The following MMP24 variants were observed in gnomAD, a reference collection of about 807,000 sequenced individuals.
MMP24 encodes the protein matrix metalloproteinase-24.
In MMP24, 25 loss-of-function variants were observed where a neutral mutation model predicts 62.8. That is an observed-to-expected ratio of 0.40 (90% CI 0.29 to 0.56). The LOEUF is 0.56. Ranked by LOEUF, MMP24 falls within the 20% of genes least tolerant of loss-of-function variation. MMP24 has a pLI of 0.50. For missense variants in MMP24, 634 were observed against 853.6 expected, an observed-to-expected ratio of 0.74 and a Z score of 3.21; for synonymous variants, 319 against 350.5, an observed-to-expected ratio of 0.91 and a Z score of 1.00.
chr20:35,273,254 G>A (rs1209710437), intron 8 of MMP24, among the ~76,000 whole-genome samples: 2 of 151,994 alleles, frequency 1.3e-5, no homozygotes, highest in Non-Finnish European at 2.9e-5. Flanking sequence ...AAATTAGCTG[G>A]GCGTGGTGAC....
intron 2 of MMP24, among the ~76,000 whole-genome samples, chr20:35,248,300 C>G (rs1013474545): frequency 2.7e-4 from 40 of 145,866 alleles, no homozygotes; most frequent in Non-Finnish European, 5.2e-4. Context: ...TCTAGATTCC[C>G]CCCCCCTTTT....
rs57329180 is a variant in MMP24 at position 35,253,311 on chromosome 20, A to G, written c.513-1139A>G. Reference sequence around the variant, plus strand: ...TTTTTTTTCAGAAATCTGACAAGAGAAGGAAAGTTAGGGTTGAACTAAGGG... The same window carrying G: ...TTTTTTTTCAGAAATCTGACAAGAGGAGGAAAGTTAGGGTTGAACTAAGGG... On this transcript the variant is annotated intron_variant, in intron 3 of 8. Coordinates refer to ENST00000246186, the MANE Select transcript of MMP24 (RefSeq NM_006690.4). Among the ~76,000 whole-genome samples, 269 of 142,658 alleles carry G rather than the reference A, an allele frequency of 1.9e-3. 3 individuals are homozygous for G. In the East Asian group the frequency reaches 0.037, roughly 20 times the overall value. The allele number at this position is 142,658 out of a possible 152,430, so 93.6% of individuals were successfully genotyped here.
rs765270318 is a variant in MMP24 at position 35,267,352 on chromosome 20, A to C, written c.1127A>C (p.Lys376Thr). The C allele has an allele frequency of 6.3e-7, 1 of 1,582,870 alleles. No homozygotes were observed. Among genetic ancestry groups the C allele is most frequent in the South Asian group, 1.2e-5 (1 of 86,562 alleles). The change falls in exon 6 of 9, where the codon AAA becomes ACA. Residue 376 changes from lysine to threonine, a missense_variant. Lys to Thr is a moderately conservative substitution (Grantham distance 78). Around this residue, in one of 3 missense-constraint regions of MMP24, gnomAD observed 399 missense variants for 530.8 expected, o/e 0.75. Transcript: ENST00000246186. ...GACCGGCCATCCACACCAGGCACCAAACCCAACATCTGTGACGGCAACTTC... is the reference window on the plus strand; with the variant it reads ...GACCGGCCATCCACACCAGGCACCACACCCAACATCTGTGACGGCAACTTC... ...LGDRPSTPGT[K>T]PNICDGNFNT...
chr20:35,238,181 T>C lies in MMP24; in HGVS notation c.247-8659T>C, dbSNP rs554305886. 1.4e-4 allele frequency among the ~76,000 whole-genome samples: 21 copies of C among 152,318 alleles called. No homozygotes were observed. In the Middle Eastern group the frequency reaches 0.014, roughly 99 times the overall value. ...GAGCAGAGGCTGGCTACTGAGCCAG[T>C]GCTAATAGAAGACTTTTCTAAATGG... On this transcript the variant is annotated intron_variant, in intron 1 of 8. Coordinates refer to ENST00000246186, the MANE Select transcript of MMP24 (RefSeq NM_006690.4).
rs148827825 is a variant in MMP24 at position 35,231,256 on chromosome 20, T to C, written c.246+4272T>C. ...CCTAGACCCAGGACTTATGGATTCC[T>C]GCCCTTGAGACTGGTTTTGAGTGGT... On this transcript the variant is annotated intron_variant, in intron 1 of 8. Coordinates refer to ENST00000246186, the MANE Select transcript of MMP24 (RefSeq NM_006690.4). 2.5e-3 allele frequency among the ~76,000 whole-genome samples: 387 copies of C among 152,366 alleles called. 1 individual carries two copies. Among genetic ancestry groups the C allele is most frequent in the African/African-American group, 8.8e-3 (368 of 41,590 alleles).
rs573730964 is a variant in MMP24 at position 35,254,232 on chromosome 20, C to CA, written c.513-215dup. The stretch of plus-strand genomic sequence containing the variant: ...TATTCGACACAGCTTTGCTGGAGAT[C>CA]AAATGGAAAACACTGAGTAAAGCAA... On this transcript the variant is annotated intron_variant, in intron 3 of 8. Transcript: ENST00000246186. Among the ~76,000 whole-genome samples the CA allele has an allele frequency of 1.4e-3, 219 of 152,292 alleles. 4 individuals are homozygous for CA. The South Asian group carries it at 0.028, about 19-fold the overall frequency.
rs1248323183 is a variant in MMP24 at position 35,271,218 on chromosome 20, G to T, written c.1334-351G>T. On this transcript the variant is annotated intron_variant, in intron 7 of 8. Coordinates refer to ENST00000246186, the MANE Select transcript of MMP24 (RefSeq NM_006690.4). This position sits in a 1 kb window ranked among gnomAD's most constrained non-coding sequence, Gnocchi z 4.0. ...CAGAGCTGCCGGTAGGCCGAGGGAG[G>T]TCAGGGTTTCTGGCTCTGCTGCTCA... Among the ~76,000 whole-genome samples, 1 of 152,198 alleles carries T rather than the reference G, an allele frequency of 6.6e-6. No individual in the cohort carries two copies. Among genetic ancestry groups the T allele is most frequent in the Non-Finnish European group, 1.5e-5 (1 of 68,028 alleles).
chr20:35,237,315 A>G (rs2060468703), intron 1 of MMP24, among the ~76,000 whole-genome samples: 1 of 152,138 alleles, frequency 6.6e-6, no homozygotes. Flanking sequence ...TGCCTTTTCC[A>G]GTGTCTAGAG....
At chr20:35,253,865 T>C (rs2060561319) in intron 3 of MMP24, among the ~76,000 whole-genome samples, 1 of 148,638 alleles carries the variant, frequency 6.7e-6, no homozygotes, top group Non-Finnish European at 1.5e-5. Context: ...CAATTTCCTT[T>C]GGGTTTTTTT....
intron 2 of MMP24, among the ~76,000 whole-genome samples, chr20:35,248,787 G>A (rs1399792807): frequency 6.6e-6 from 1 of 152,196 alleles, no homozygotes; most frequent in Non-Finnish European, 1.5e-5. Flanking sequence ...TCCAGAGTGG[G>A]CTGGTTAAAG....
intron 1 of MMP24, among the ~76,000 whole-genome samples, chr20:35,240,952 A>G (rs1020835965): frequency 6.6e-6 from 1 of 152,206 alleles, no homozygotes; most frequent in Admixed American, 6.5e-5. Context: ...TGTGTGTACA[A>G]AGTACTGCAG....
chr20:35,247,991 T>A (rs1357695819), intron 2 of MMP24, among the ~76,000 whole-genome samples: 1 of 152,152 alleles, frequency 6.6e-6, no homozygotes, highest in Non-Finnish European at 1.5e-5. Context: ...TGAACAGCCT[T>A]AAACTTGCTT....
At chr20:35,263,498 C>T in intron 4 of MMP24, 1 of 239,514 alleles carries the variant, frequency 4.2e-6, no homozygotes, top group East Asian at 8.2e-5. Context: ...CCCTGAACAT[C>T]TTCCTCCAGG....
chr20:35,274,119 T>C lies in MMP24; in HGVS notation c.1601-153T>C, dbSNP rs2060689102. ...CCGGGTGCCCCCCTCTGCAGCTTCTTACTCCATGACTCAGCCAAGCACTGC... is the reference window on the plus strand; with the variant it reads ...CCGGGTGCCCCCCTCTGCAGCTTCTCACTCCATGACTCAGCCAAGCACTGC... On this transcript the variant is annotated intron_variant, in intron 8 of 8. Coordinates refer to ENST00000246186, the MANE Select transcript of MMP24 (RefSeq NM_006690.4). The surrounding 1 kb of genome is among the most constrained non-coding windows in gnomAD (Gnocchi z 5.1). 6.6e-6 allele frequency among the ~76,000 whole-genome samples: 1 copy of C among 152,140 alleles called. No individual in the cohort carries two copies. Among genetic ancestry groups the C allele is most frequent in the Admixed American group, 6.5e-5 (1 of 15,276 alleles).
At chr20:35,248,904 C>T (rs965530054) in intron 2 of MMP24, among the ~76,000 whole-genome samples, 1 of 152,222 alleles carries the variant, frequency 6.6e-6, no homozygotes, top group Non-Finnish European at 1.5e-5. Flanking sequence ...GCGGCACCAC[C>T]TGGCCTTGGG....
At chr20:35,243,202 T>C (rs760586642) in intron 1 of MMP24, among the ~76,000 whole-genome samples, 2 of 151,656 alleles carry the variant, frequency 1.3e-5, no homozygotes, top group Admixed American at 6.6e-5. Flanking sequence ...AAAAATCTGC[T>C]CAGAATGTGC....
chr20:35,256,278 C>T (rs2060574040), intron 4 of MMP24: 1 of 152,118 alleles, frequency 6.6e-6, no homozygotes, highest in Non-Finnish European at 1.5e-5. Flanking sequence ...AGTCACCTAC[C>T]TAAGGTCCCA....
chr20:35,246,796 C>A, intron 1 of MMP24, 44 bp from the exon 2 acceptor site: 1 of 1,607,582 alleles, frequency 6.2e-7, no homozygotes, highest in Non-Finnish European at 8.5e-7. Flanking sequence ...TAGAACAGAG[C>A]CTTTCCCAGC....
At chr20:35,236,562 GTGGAGGGAAC>G (rs1332719300) in intron 1 of MMP24, among the ~76,000 whole-genome samples, 1 of 152,214 alleles carries the variant, frequency 6.6e-6, no homozygotes, top group African/African-American at 2.4e-5. Context: ...GGGACAAGAA[GTGGAGGGAAC>G]TGACACAGTG....
Sources: allele counts gnomAD v4.1 joint callset (sites outside exome capture counted in the v4.1 genomes callset), GRCh38; gene constraint gnomAD v4.1.1; regional missense constraint gnomAD v4.1.1; non-coding constraint Gnocchi (gnomAD v3.1); transcripts MANE v1.5; gene names NCBI Gene and HGNC (gene_info 2026-07-23, HGNC 2026-07-21).